Variants in EXOC4 observed in about 807,000 individuals in gnomAD.
EXOC4 encodes exocyst complex component 4.
Under a neutral mutation model 107.2 loss-of-function variants are expected in EXOC4, and 71 were observed. The observed-to-expected ratio is 0.66, with a 90% CI of 0.55 to 0.81. EXOC4 has a LOEUF of 0.81. Among genes scored for constraint, EXOC4 ranks in the 30% least tolerant of loss-of-function variants. EXOC4 has a pLI of 0.00. For synonymous variants in EXOC4, 456 were observed against 441.2 expected (o/e 1.03, Z -0.42); for missense variants, 1,108 against 1,189.6 (o/e 0.93, Z 1.01).
intron 10 of EXOC4, among the ~76,000 whole-genome samples, chr7:133,706,997 C>G (rs889745883): frequency 6.6e-6 from 1 of 152,046 alleles, no homozygotes; most frequent in African/African-American, 2.4e-5. Flanking sequence ...TTTATAACCT[C>G]AAGCTTTCAC....
At chr7:133,753,109 T>C (rs928613883) in intron 10 of EXOC4, among the ~76,000 whole-genome samples, 1 of 152,256 alleles carries the variant, frequency 6.6e-6, no homozygotes, top group Admixed American at 6.5e-5. Context: ...ACCAACTCTT[T>C]TAAAGATCAA....
chr7:133,947,512 C>T (rs1441083397), intron 14 of EXOC4, among the ~76,000 whole-genome samples: 6 of 152,160 alleles, frequency 3.9e-5, no homozygotes, highest in Non-Finnish European at 7.3e-5. Context: ...GAAAAAGGCA[C>T]CTTTTGTTCT....
chr7:133,727,664 CGCACTGCGGTCGCCCACTG>C (rs891516441), intron 10 of EXOC4: 27 of 153,786 alleles, frequency 1.8e-4, no homozygotes, highest in African/African-American at 6.3e-4. Context: ...TGCCGTGGAG[CGCACTGCGGTCGCCCACTG>C]GGACTGCGGG....
At chr7:133,803,970 C>A (rs1797009790) in intron 10 of EXOC4, among the ~76,000 whole-genome samples, 1 of 152,068 alleles carries the variant, frequency 6.6e-6, no homozygotes, top group East Asian at 1.9e-4. Flanking sequence ...ACTGTTAGTT[C>A]ACTTTTGATG....
At chr7:134,029,222 G>A (rs925034589) in intron 17 of EXOC4, among the ~76,000 whole-genome samples, 26 of 152,172 alleles carry the variant, frequency 1.7e-4, no homozygotes, top group Non-Finnish European at 2.2e-4. Flanking sequence ...GAAGTTTTGC[G>A]TCTTTCCCTA....
chr7:133,300,407 A>G (rs543283281), intron 3 of EXOC4, among the ~76,000 whole-genome samples: 5 of 152,254 alleles, frequency 3.3e-5, no homozygotes, highest in Admixed American at 6.5e-5. Context: ...TGTTTTTCCC[A>G]TAGATCCCGC....
chr7:133,395,679 A>AAC (rs149462879), intron 7 of EXOC4, among the ~76,000 whole-genome samples: 12 of 151,974 alleles, frequency 7.9e-5, no homozygotes, highest in East Asian at 1.9e-4. Context: ...GTATATATAA[A>AAC]ACACACACAC....
intron 10 of EXOC4, among the ~76,000 whole-genome samples, chr7:133,648,262 T>C (rs1000860048): frequency 6.6e-6 from 1 of 152,206 alleles, no homozygotes; most frequent in East Asian, 1.9e-4. Context: ...CCTGTTAGCA[T>C]AGGTCTTGGT....
chr7:133,317,374 T>C lies in EXOC4; in HGVS notation c.747T>C (p.Thr249=). The change falls in exon 5 of 18, where the codon ACT becomes ACC. Residue 249 remains threonine, a synonymous_variant. Transcript: ENST00000253861. Reference sequence around the variant, plus strand: ...TCCTTGATACCTCTCACTATTCTACTGCTGGAAGCTCAAGTGGTAAGTATT... The same window carrying C: ...TCCTTGATACCTCTCACTATTCTACCGCTGGAAGCTCAAGTGGTAAGTATT... ...RKFLDTSHYS[T]AGSSSVREIN... is the part of the protein sequence containing the mutation. 1 of 1,604,910 alleles carries C rather than the reference T, an allele frequency of 6.2e-7. No homozygotes were observed. The highest frequency in any genetic ancestry group is 8.5e-7 in the Non-Finnish European group (1 of 1,171,650).
chr7:133,808,479 T>C (rs1054126220), intron 10 of EXOC4, among the ~76,000 whole-genome samples: 1 of 152,238 alleles, frequency 6.6e-6, no homozygotes, highest in African/African-American at 2.4e-5. Flanking sequence ...TCAATTCCTC[T>C]GAGGCTTCTT....
intron 10 of EXOC4, among the ~76,000 whole-genome samples, chr7:133,746,638 A>AG (rs1441410468): frequency 5.9e-5 from 9 of 152,190 alleles, no homozygotes; most frequent in African/African-American, 2.2e-4. Context: ...GAGGTTCATA[A>AG]GGTTTTCTGT....
chr7:133,623,880 G>A (rs1463953444), intron 9 of EXOC4, among the ~76,000 whole-genome samples: 1 of 152,102 alleles, frequency 6.6e-6, no homozygotes, highest in African/African-American at 2.4e-5. Flanking sequence ...CATAATGATC[G>A]CATGTGCTTT....
At chr7:133,449,504 C>T (rs1052597951) in intron 7 of EXOC4, among the ~76,000 whole-genome samples, 1 of 152,130 alleles carries the variant, frequency 6.6e-6, no homozygotes, top group African/African-American at 2.4e-5. Flanking sequence ...TCTTTTAATA[C>T]ACTGTTTTTT....
At chr7:133,299,503 A>G (rs1584790363) in intron 3 of EXOC4, among the ~76,000 whole-genome samples, 1 of 152,202 alleles carries the variant, frequency 6.6e-6, no homozygotes, top group East Asian at 1.9e-4. Context: ...ACTAACAACA[A>G]AAGAGGGAAC....
At chr7:133,422,859 T>C (rs1797636244) in intron 7 of EXOC4, among the ~76,000 whole-genome samples, 1 of 152,248 alleles carries the variant, frequency 6.6e-6, no homozygotes, top group Admixed American at 6.5e-5. Flanking sequence ...TGGGAAATGC[T>C]TACTTTTTAA....
At chr7:133,768,818 A>C (rs547703824) in intron 10 of EXOC4, among the ~76,000 whole-genome samples, 1 of 152,062 alleles carries the variant, frequency 6.6e-6, no homozygotes, top group Non-Finnish European at 1.5e-5. Context: ...CCCATGGTCT[A>C]GTGAAGGAGT....
At position 133,762,553 on chromosome 7, in the gene EXOC4, A is replaced by C. The variant is rs114942151; in HGVS notation, c.1515-54772A>C. 2.4e-3 allele frequency among the ~76,000 whole-genome samples: 362 copies of C among 152,292 alleles called. 5 individuals carry two copies. Among genetic ancestry groups the C allele is most frequent in the African/African-American group, 8.1e-3 (338 of 41,576 alleles). On this transcript the variant is annotated intron_variant, in intron 10 of 17. Transcript: ENST00000253861. ...TTTTTCACTGATAGATATTTATATC[A>C]AGGTGCTAGATTGATATGCATATAA...
At chr7:133,924,527 A>G (rs1212877971) in intron 13 of EXOC4, among the ~76,000 whole-genome samples, 3 of 152,196 alleles carry the variant, frequency 2.0e-5, no homozygotes, top group African/African-American at 7.2e-5. Flanking sequence ...GGCTTTCTTT[A>G]TTCTTATTTT....
intron 10 of EXOC4, among the ~76,000 whole-genome samples, chr7:133,797,729 C>G (rs180749934): frequency 6.6e-6 from 1 of 152,272 alleles, no homozygotes; most frequent in Admixed American, 6.5e-5. Context: ...TTCCTGAAGT[C>G]TCTAGTCCCT....
Sources: gnomAD v4.1 joint callset for allele counts (sites outside exome capture counted in the v4.1 genomes callset) on GRCh38, gnomAD v4.1.1 for gene constraint, MANE v1.5 for transcripts, NCBI Gene and HGNC (gene_info 2026-07-23, HGNC 2026-07-21) for gene names.